Variants in KANK4 observed in about 807,000 individuals in gnomAD.
KANK4 encodes the protein KN motif and ankyrin repeat domain-containing protein 4.
KANK4 carries 50 observed loss-of-function variants against 80.8 expected under a neutral mutation model. The observed-to-expected ratio is 0.62, with a 90% CI of 0.49 to 0.78. The LOEUF is 0.78. Among genes scored for constraint, KANK4 ranks in the 30% least tolerant of loss-of-function variants. The pLI is 0.00. For synonymous variants in KANK4, 465 were observed against 506.9 expected (o/e 0.92, Z 1.11); for missense variants, 1,196 against 1,240.1 (o/e 0.96, Z 0.53).
intron 1 of KANK4, among the ~76,000 whole-genome samples, chr1:62,291,077 C>T (rs540797391): frequency 6.6e-6 from 1 of 152,334 alleles, no homozygotes; most frequent in East Asian, 1.9e-4. Flanking sequence ...GTCTCACCAA[C>T]ACCTGGTTTA....
intron 7 of KANK4, among the ~76,000 whole-genome samples, chr1:62,255,399 A>G (rs1357719238): frequency 6.6e-6 from 1 of 152,012 alleles, no homozygotes; most frequent in African/African-American, 2.4e-5. Flanking sequence ...TGAAAAAATT[A>G]TGTTGCTCTT....
chr1:62,250,827 T>C (rs1195767685), intron 8 of KANK4, among the ~76,000 whole-genome samples: 1 of 152,228 alleles, frequency 6.6e-6, no homozygotes, highest in Non-Finnish European at 1.5e-5. Context: ...GAAAGTAATC[T>C]ATAAACATCG....
At chr1:62,279,691 G>A (rs1042759834) in intron 2 of KANK4, among the ~76,000 whole-genome samples, 6 of 152,164 alleles carry the variant, frequency 3.9e-5, no homozygotes, top group African/African-American at 1.2e-4. Flanking sequence ...CAGAGTAGGC[G>A]CTCAGTGAAG....
intron 1 of KANK4, among the ~76,000 whole-genome samples, chr1:62,291,439 T>G (rs1028800678): frequency 6.6e-6 from 1 of 152,168 alleles, no homozygotes; most frequent in Non-Finnish European, 1.5e-5. Flanking sequence ...TTGTATAATT[T>G]AACTAATTAA....
intron 7 of KANK4, among the ~76,000 whole-genome samples, chr1:62,256,595 T>C: frequency 6.6e-6 from 1 of 152,006 alleles, no homozygotes; most frequent in Non-Finnish European, 1.5e-5. Flanking sequence ...GTTGGTCAGG[T>C]TGGTCTCGAA....
chr1:62,264,549 T>C (rs1016128701), intron 6 of KANK4, among the ~76,000 whole-genome samples: 2 of 152,258 alleles, frequency 1.3e-5, no homozygotes, highest in African/African-American at 4.8e-5. Context: ...TTACCTTCCA[T>C]GGCTCTACAG....
chr1:62,264,979 G>A (rs994685766), intron 6 of KANK4, among the ~76,000 whole-genome samples: 16 of 152,140 alleles, frequency 1.1e-4, no homozygotes, highest in African/African-American at 3.9e-4. Context: ...TTATAGGCGC[G>A]GGCCACCACA....
intron 9 of KANK4, among the ~76,000 whole-genome samples, chr1:62,242,803 C>T (rs766300668): frequency 2.0e-5 from 3 of 152,184 alleles, no homozygotes; most frequent in African/African-American, 4.8e-5. Flanking sequence ...AAGATGAATA[C>T]GGAAATGATA....
At chr1:62,238,424 T>A (rs920842632) in intron 9 of KANK4, 43 bp from the exon 10 acceptor site, 1 of 1,561,906 alleles carries the variant, frequency 6.4e-7, no homozygotes, top group Non-Finnish European at 8.8e-7. Flanking sequence ...TCATCCAATC[T>A]GCCTCCTGCC....
chr1:62,316,963 G>A (rs1644546911), intron 1 of KANK4, among the ~76,000 whole-genome samples: 1 of 152,206 alleles, frequency 6.6e-6, no homozygotes, highest in Non-Finnish European at 1.5e-5. Flanking sequence ...AAAACCTTAT[G>A]TTTAATGCCG....
intron 8 of KANK4, among the ~76,000 whole-genome samples, chr1:62,251,669 A>T (rs1032628114): frequency 6.6e-6 from 1 of 152,028 alleles, no homozygotes; most frequent in East Asian, 1.9e-4. Flanking sequence ...TTTGGAGTGA[A>T]CCCCAATCAA....
intron 9 of KANK4, among the ~76,000 whole-genome samples, chr1:62,246,185 T>C (rs575534983): frequency 6.6e-6 from 1 of 152,352 alleles, no homozygotes; most frequent in Admixed American, 6.5e-5. Flanking sequence ...TGTTGGTTAC[T>C]ATTGTTACTG....
At chr1:62,260,469 C>T (rs1015091421) in intron 7 of KANK4, among the ~76,000 whole-genome samples, 3 of 152,148 alleles carry the variant, frequency 2.0e-5, no homozygotes, top group Admixed American at 6.6e-5. Context: ...GATTCTTCTT[C>T]TCAGTCAAAA....
rs1235877253 is a variant in KANK4 at position 62,319,318 on chromosome 1, C to T, written c.-283G>A. The T allele has an allele frequency of 2.0e-5, 3 of 151,934 alleles. No individual in the cohort carries two copies. Among genetic ancestry groups the T allele is most frequent in the Admixed American group, 2.0e-4 (3 of 15,254 alleles). The allele number at this position is 151,934 out of a possible 1,614,324, so 9.4% of individuals were successfully genotyped here. On this transcript the variant is annotated 5_prime_UTR_variant, in exon 1 of 10. Transcript: ENST00000371153. Reference sequence around the variant, plus strand: ...GACGGTCTCGGCCCTGGCCCCGGCGCACCCCTGCGGGCACACCCACCGCGG... The same window carrying T: ...GACGGTCTCGGCCCTGGCCCCGGCGTACCCCTGCGGGCACACCCACCGCGG...
At chr1:62,309,916 C>T (rs915984637) in intron 1 of KANK4, among the ~76,000 whole-genome samples, 2 of 152,190 alleles carry the variant, frequency 1.3e-5, no homozygotes, top group African/African-American at 4.8e-5. Context: ...CCTTTTGGCA[C>T]CAGCAAGCAT....
chr1:62,315,625 C>A (rs565541452), intron 1 of KANK4, among the ~76,000 whole-genome samples: 1 of 152,106 alleles, frequency 6.6e-6, no homozygotes, highest in Non-Finnish European at 1.5e-5. Flanking sequence ...TGAGTCCCCC[C>A]GCCCACAGAT....
intron 1 of KANK4, among the ~76,000 whole-genome samples, chr1:62,290,894 G>A (rs568546248): frequency 6.6e-6 from 1 of 151,940 alleles, no homozygotes; most frequent in East Asian, 1.9e-4. Flanking sequence ...ACAGGCACCT[G>A]CCACCATGCC....
In KANK4 at chr1:62,253,479, G is replaced by A. The variant is rs183161356; in HGVS notation, c.2540-270C>T. Among the ~76,000 whole-genome samples the A allele has an allele frequency of 3.2e-4, 41 of 126,982 alleles. No individual in the cohort carries two copies. The East Asian group carries it at 7.3e-3, about 23-fold the overall frequency. The allele number at this position is 126,982 out of a possible 152,430, so 83.3% of individuals were successfully genotyped here. ...GGCTGGAGTGCAGTGACTCAATCCC[G>A]TCTCACTGCAACCTCCACCTCCCAG... On this transcript the variant is annotated intron_variant, in intron 7 of 9. Transcript: ENST00000371153.
chr1:62,278,280 A>C, intron 2 of KANK4, among the ~76,000 whole-genome samples: 1 of 151,656 alleles, frequency 6.6e-6, no homozygotes, highest in Non-Finnish European at 1.5e-5. Flanking sequence ...CGGGTTTAAA[A>C]AAGTTGCAAA....
Sources: allele counts gnomAD v4.1 joint callset (sites outside exome capture counted in the v4.1 genomes callset), GRCh38; gene constraint gnomAD v4.1.1; transcripts MANE v1.5; gene names NCBI Gene and HGNC (gene_info 2026-07-23, HGNC 2026-07-21).